The following HPCAL1 variants were observed in gnomAD, a reference collection of about 807,000 sequenced individuals.
The protein encoded by HPCAL1 is hippocalcin like 1, also known as hippocalcin-like protein 1.
Under a neutral mutation model 17.1 loss-of-function variants are expected in HPCAL1, and 8 were observed. The ratio of observed to expected loss-of-function variants is 0.47; its 90% CI spans 0.27 to 0.84. The LOEUF (loss-of-function observed/expected upper bound fraction) is 0.84, where lower values mean the gene tolerates loss of function less well. Ranked by LOEUF, HPCAL1 falls within the 40% of genes least tolerant of loss-of-function variation. The pLI is 0.13. For missense variants in HPCAL1, 165 were observed against 271.1 expected (o/e 0.61, Z 2.75); for synonymous variants, 112 against 111.4 (o/e 1.01, Z -0.03).
rs972874172 is a variant in HPCAL1, at chr2:10,330,605, C to T, written c.-111+27428C>T. 3.3e-5 allele frequency among the ~76,000 whole-genome samples: 5 copies of T among 152,322 alleles called. No individual in the cohort carries two copies. The highest frequency in any genetic ancestry group is 3.4e-3 in the Middle Eastern group (1 of 294). On this transcript the variant is annotated intron_variant, in intron 1 of 4. Coordinates refer to ENST00000307845, the MANE Select transcript of HPCAL1 (RefSeq NM_002149.4). This position sits in a 1 kb window ranked among gnomAD's most constrained non-coding sequence, Gnocchi z 4.2. Reference sequence around the variant, plus strand: ...CTCTGTTCTCACACGGCCATCCCTCCGAGTGTGTCTGAGTCCCAGTCTCCT... The same window carrying T: ...CTCTGTTCTCACACGGCCATCCCTCTGAGTGTGTCTGAGTCCCAGTCTCCT...
chr2:10,327,644 CT>C (rs1243529023), intron 1 of HPCAL1, among the ~76,000 whole-genome samples: 10 of 151,500 alleles, frequency 6.6e-5, no homozygotes, highest in East Asian at 3.9e-4. Context: ...GGATCAATGG[CT>C]TTTTTTTTCT....
chr2:10,334,242 G>A (rs943286906), intron 1 of HPCAL1, among the ~76,000 whole-genome samples: 1 of 151,684 alleles, frequency 6.6e-6, no homozygotes, highest in Admixed American at 6.5e-5. Context: ...CCAGCTCTTC[G>A]GGAGGCTGAG....
intron 1 of HPCAL1, among the ~76,000 whole-genome samples, chr2:10,360,312 G>A (rs375880005): frequency 5.9e-5 from 9 of 152,218 alleles, no homozygotes; most frequent in African/African-American, 2.2e-4. Context: ...CCCGTTTCAT[G>A]GGAGACTTCT....
chr2:10,332,197 G>A (rs1430219754), intron 1 of HPCAL1, among the ~76,000 whole-genome samples: 2 of 152,154 alleles, frequency 1.3e-5, no homozygotes, highest in African/African-American at 2.4e-5. Flanking sequence ...ACCTGGCTGA[G>A]GTCATGCCCA....
intron 2 of HPCAL1, among the ~76,000 whole-genome samples, chr2:10,403,589 G>A (rs1669780836): frequency 6.6e-6 from 1 of 151,888 alleles, no homozygotes; most frequent in South Asian, 2.1e-4. Context: ...GTTCAAATGA[G>A]TCTCCTGCCT....
intron 1 of HPCAL1, among the ~76,000 whole-genome samples, chr2:10,355,658 G>A (rs1308674434): frequency 6.6e-6 from 1 of 152,052 alleles, no homozygotes; most frequent in Non-Finnish European, 1.5e-5. Flanking sequence ...AGAGCGGCTG[G>A]GAAAATCAAG....
At chr2:10,412,999 G>C (rs763479214) in intron 2 of HPCAL1, among the ~76,000 whole-genome samples, 2 of 152,206 alleles carry the variant, frequency 1.3e-5, no homozygotes, top group Non-Finnish European at 2.9e-5. Flanking sequence ...ACACTCTTCT[G>C]CCTCCACATT....
At chr2:10,376,855 G>A (rs943216630) in intron 1 of HPCAL1, among the ~76,000 whole-genome samples, 1 of 129,578 alleles carries the variant, frequency 7.7e-6, no homozygotes, top group African/African-American at 3.4e-5. Flanking sequence ...TGTATTGTGT[G>A]TAGTACAATA....
intron 3 of HPCAL1, among the ~76,000 whole-genome samples, chr2:10,421,004 G>C (rs572973034): frequency 1.3e-5 from 2 of 152,048 alleles, no homozygotes; most frequent in South Asian, 4.2e-4. Context: ...CAGTTGATCT[G>C]CCTTCAGCCT....
At position 10,390,422 on chromosome 2, in the gene HPCAL1, G is replaced by A. The variant is rs191191937; in HGVS notation, c.-110-6413G>A. Among the ~76,000 whole-genome samples the A allele has an allele frequency of 5.7e-3, 866 of 152,172 alleles. 11 individuals carry two copies. The highest frequency in any genetic ancestry group is 0.02 in the African/African-American group (821 of 41,504). On this transcript the variant is annotated intron_variant, in intron 1 of 4. Coordinates refer to ENST00000307845, the MANE Select transcript of HPCAL1 (RefSeq NM_002149.4). Reference sequence around the variant, plus strand: ...CTTGGAGCAACTGTGCTTATCACCCGGAGGCCACAGTGGAATTAGTCATTT... The same window carrying A: ...CTTGGAGCAACTGTGCTTATCACCCAGAGGCCACAGTGGAATTAGTCATTT...
rs189007321 is a variant in HPCAL1 at position 10,403,381 on chromosome 2, C to T, written c.-25+6461C>T. Reference sequence around the variant, plus strand: ...AAGTGAGAGCCGTCAGGGTGTGTGACATAGCCACTGTCACCCAGGCCTCCA... The same window carrying T: ...AAGTGAGAGCCGTCAGGGTGTGTGATATAGCCACTGTCACCCAGGCCTCCA... On this transcript the variant is annotated intron_variant, in intron 2 of 4. Transcript: ENST00000307845. Among the ~76,000 whole-genome samples the T allele has an allele frequency of 3.0e-5, 4 of 131,520 alleles. No individual in the cohort carries two copies. The East Asian group carries it at 7.7e-4, about 25-fold the overall frequency. 86.3% of individuals were successfully genotyped at this position (131,520 alleles called of 152,430 possible).
rs188674526 is a variant in HPCAL1 at position 10,365,141 on chromosome 2, C to T, written c.-110-31694C>T. On this transcript the variant is annotated intron_variant, in intron 1 of 4. Coordinates refer to ENST00000307845, the MANE Select transcript of HPCAL1 (RefSeq NM_002149.4). The surrounding 1 kb of genome is among the most constrained non-coding windows in gnomAD (Gnocchi z 4.8). ...CCTAAATGAGAGTGTCCACACCACC[C>T]GCCCTGAGTTCTGAACTTAGCCACC... 3.6e-3 allele frequency among the ~76,000 whole-genome samples: 553 copies of T among 152,284 alleles called. 15 individuals carry two copies. The highest frequency in any genetic ancestry group is 0.032 in the Admixed American group (488 of 15,304).
rs70948887 is a variant in HPCAL1, at chr2:10,382,593, TAAA to T, written c.-110-14224_-110-14222del. Among the ~76,000 whole-genome samples, 176 of 127,980 alleles carry T rather than the reference TAAA, an allele frequency of 1.4e-3. 1 individual carries two copies. Among genetic ancestry groups the T allele is most frequent in the African/African-American group, 4.2e-3 (140 of 33,730 alleles). The allele number at this position is 127,980 out of a possible 152,430, so 84.0% of individuals were successfully genotyped here. A position where few individuals can be genotyped will look rare whatever the true frequency, so the allele number is the denominator to read the frequency against. On this transcript the variant is annotated intron_variant, in intron 1 of 4. Coordinates refer to ENST00000307845, the MANE Select transcript of HPCAL1 (RefSeq NM_002149.4). ...GCTCTAAAAAATAAAGTTCATTAAT[TAAA>T]AAAAAAAAAAAAAAAAAGGGAAATG...
At chr2:10,321,832 T>C (rs1011249976) in intron 1 of HPCAL1, among the ~76,000 whole-genome samples, 1 of 152,248 alleles carries the variant, frequency 6.6e-6, no homozygotes, top group Non-Finnish European at 1.5e-5. Context: ...AATATTCCAA[T>C]GTATGGATAG....
At chr2:10,351,815 G>T (rs1665856655) in intron 1 of HPCAL1, among the ~76,000 whole-genome samples, 1 of 152,018 alleles carries the variant, frequency 6.6e-6, no homozygotes, top group Admixed American at 6.5e-5. Context: ...GAAAAAGGGG[G>T]CAGTGATTCT....
chr2:10,377,285 G>A lies in HPCAL1; in HGVS notation c.-110-19550G>A, dbSNP rs140903212. ...GCGGCTGAGTGGAGCCGCAGCAAAT[G>A]CAACCCTGCCCCCGAGCCAGGCCCC... On this transcript the variant is annotated intron_variant, in intron 1 of 4. Coordinates refer to ENST00000307845, the MANE Select transcript of HPCAL1 (RefSeq NM_002149.4). This position sits in a 1 kb window ranked among gnomAD's most constrained non-coding sequence, Gnocchi z 5.9. 6.6e-6 allele frequency among the ~76,000 whole-genome samples: 1 copy of A among 152,304 alleles called. No individual in the cohort carries two copies. Among genetic ancestry groups the A allele is most frequent in the Non-Finnish European group, 1.5e-5 (1 of 68,020 alleles).
intron 1 of HPCAL1, among the ~76,000 whole-genome samples, chr2:10,312,856 CCAT>C (rs780021525): frequency 1.1e-4 from 16 of 151,922 alleles, no homozygotes; most frequent in Non-Finnish European, 2.2e-4. Flanking sequence ...GTCATTATCA[CCAT>C]CATCATCACC....
At chr2:10,403,454 TTGTGTGTGTG>T (rs70948890) in intron 2 of HPCAL1, among the ~76,000 whole-genome samples, 60 of 65,060 alleles carry the variant, frequency 9.2e-4, no homozygotes, top group East Asian at 1.6e-3. Context: ...AAGAGTTCTT[TTGTGTGTGTG>T]TGTGTGTGTG....
chr2:10,342,964 T>C lies in HPCAL1; in HGVS notation c.-111+39787T>C, dbSNP rs1362388127. Among the ~76,000 whole-genome samples, 1 of 152,304 alleles carries C rather than the reference T, an allele frequency of 6.6e-6. No individual in the cohort carries two copies. Among genetic ancestry groups the C allele is most frequent in the African/African-American group, 2.4e-5 (1 of 41,570 alleles). On this transcript the variant is annotated intron_variant, in intron 1 of 4. Coordinates refer to ENST00000307845, the MANE Select transcript of HPCAL1 (RefSeq NM_002149.4). The surrounding 1 kb of genome is among the most constrained non-coding windows in gnomAD (Gnocchi z 4.1). Reference sequence around the variant, plus strand: ...GCCTGGCTTTGGAGATGGCCAGTGCTGGTTTGAAGCTTCTGTCTTCTGTGT... The same window carrying C: ...GCCTGGCTTTGGAGATGGCCAGTGCCGGTTTGAAGCTTCTGTCTTCTGTGT...
Sources: gnomAD v4.1 joint callset for allele counts (sites outside exome capture counted in the v4.1 genomes callset) on GRCh38, gnomAD v4.1.1 for gene constraint, Gnocchi (gnomAD v3.1) non-coding constraint, MANE v1.5 for transcripts, NCBI Gene and HGNC (gene_info 2026-07-23, HGNC 2026-07-21) for gene names.